Variants in KIAA1549 observed in about 807,000 individuals in gnomAD.
KIAA1549 encodes KIAA1549.
KIAA1549 carries 70 observed loss-of-function variants against 156.4 expected under a neutral mutation model. That is an observed-to-expected ratio of 0.45 (90% CI 0.37 to 0.55). The LOEUF (loss-of-function observed/expected upper bound fraction) is 0.55. KIAA1549 is among the 20% of genes least tolerant of loss of function. KIAA1549 has a pLI of 0.00. For missense variants in KIAA1549, 2,428 were observed against 2,540.9 expected, an observed-to-expected ratio of 0.96 and a Z score of 0.96; for synonymous variants, 1,103 against 1,066.4, an observed-to-expected ratio of 1.03 and a Z score of -0.67.
chr7:138,887,807 C>A (rs1811440414), intron 10 of KIAA1549, among the ~76,000 whole-genome samples: 1 of 152,174 alleles, frequency 6.6e-6, no homozygotes, highest in African/African-American at 2.4e-5. Flanking sequence ...TGAAATAGGA[C>A]AATTCGTTCC....
At chr7:138,938,788 C>T (rs1305639105) in intron 1 of KIAA1549, among the ~76,000 whole-genome samples, 4 of 152,240 alleles carry the variant, frequency 2.6e-5, no homozygotes, top group African/African-American at 7.2e-5. Flanking sequence ...TGGCTCACGC[C>T]TATAATCCCA....
chr7:138,860,675 C>T (rs966858535), intron 16 of KIAA1549, among the ~76,000 whole-genome samples: 10 of 152,204 alleles, frequency 6.6e-5, no homozygotes, highest in African/African-American at 1.7e-4. Context: ...TCACTGTCCA[C>T]GTGGGGACTG....
intron 6 of KIAA1549, 130 bp from the exon 7 acceptor site, chr7:138,905,211 G>A (rs1811972961): frequency 1.5e-5 from 10 of 677,130 alleles, no homozygotes; most frequent in East Asian, 1.1e-4. Context: ...TCAGATTAGC[G>A]TGAGGACGTG....
At chr7:138,857,659 A>C (rs917631884) in intron 16 of KIAA1549, among the ~76,000 whole-genome samples, 1 of 152,180 alleles carries the variant, frequency 6.6e-6, no homozygotes, top group African/African-American at 2.4e-5. Flanking sequence ...TGTATTTTGA[A>C]GCTCTAATAC....
intron 1 of KIAA1549, among the ~76,000 whole-genome samples, chr7:138,962,092 G>A (rs568074955): frequency 6.6e-6 from 1 of 152,002 alleles, no homozygotes; most frequent in East Asian, 1.9e-4. Context: ...TGTGACCTGA[G>A]GTGAGTTACT....
chr7:138,958,638 C>G (rs1813743034), intron 1 of KIAA1549, among the ~76,000 whole-genome samples: 1 of 152,130 alleles, frequency 6.6e-6, no homozygotes, highest in Non-Finnish European at 1.5e-5. Context: ...TCTTTCTCTC[C>G]CCCTCGTTTA....
At chr7:138,979,885 T>C (rs997017728) in intron 1 of KIAA1549, among the ~76,000 whole-genome samples, 2 of 152,262 alleles carry the variant, frequency 1.3e-5, no homozygotes, top group African/African-American at 4.8e-5. Flanking sequence ...AAGTGATGAC[T>C]GTGACCTTGA....
rs1313311920 is a variant in KIAA1549 at position 138,832,048 on chromosome 7, T to C, written c.*5858A>G. 4.3e-6 allele frequency: 1 copy of C among 231,438 alleles called. No individual in the cohort carries two copies. The highest frequency in any genetic ancestry group is 8.5e-6 in the Non-Finnish European group (1 of 117,182). 14.3% of individuals were successfully genotyped at this position (231,438 alleles called of 1,614,324 possible). ...ATTCCCAACTTGTACACTTAGGGAGTCAAGTTATGAATACTTGAAATCTGG... is the reference window on the plus strand; with the variant it reads ...ATTCCCAACTTGTACACTTAGGGAGCCAAGTTATGAATACTTGAAATCTGG... On this transcript the variant is annotated 3_prime_UTR_variant, in exon 20 of 20. Coordinates refer to ENST00000422774, the MANE Select transcript of KIAA1549 (RefSeq NM_001164665.2).
At chr7:138,871,673 G>C (rs1042332535) in intron 12 of KIAA1549, among the ~76,000 whole-genome samples, 2 of 152,204 alleles carry the variant, frequency 1.3e-5, no homozygotes, top group African/African-American at 4.8e-5. Context: ...AAAGAATATA[G>C]GACAGAAGGA....
At chr7:138,955,994 G>A (rs1367576396) in intron 1 of KIAA1549, among the ~76,000 whole-genome samples, 2 of 152,096 alleles carry the variant, frequency 1.3e-5, no homozygotes, top group Non-Finnish European at 2.9e-5. Flanking sequence ...CCTGAGTTGA[G>A]GCAACTCTCC....
intron 1 of KIAA1549, among the ~76,000 whole-genome samples, chr7:138,925,829 C>CAAAAAAA (rs59066216): frequency 3.4e-4 from 15 of 44,598 alleles, no homozygotes; most frequent in Middle Eastern, 0.028. Context: ...GATCCTGTCT[C>CAAAAAAA]AAAAAAAAAA....
intron 1 of KIAA1549, among the ~76,000 whole-genome samples, chr7:138,925,586 G>A (rs1018851685): frequency 6.6e-6 from 1 of 152,080 alleles, no homozygotes; most frequent in African/African-American, 2.4e-5. Flanking sequence ...CTGGTAGGCC[G>A]AGGCAGGAGG....
At chr7:138,946,652 G>A (rs1813346318) in intron 1 of KIAA1549, among the ~76,000 whole-genome samples, 2 of 151,974 alleles carry the variant, frequency 1.3e-5, no homozygotes, top group African/African-American at 2.4e-5. Flanking sequence ...GGTGGTGTGC[G>A]CCTGTAGTCT....
At chr7:138,903,869 GCACA>G (rs1811932347) in intron 7 of KIAA1549, 133 bp from the exon 8 acceptor site, 1 of 647,854 alleles carries the variant, frequency 1.5e-6, no homozygotes, top group African/African-American at 2.4e-5. Flanking sequence ...GCGCGCGCGC[GCACA>G]TATGTATTTG....
intron 13 of KIAA1549, 105 bp from the exon 14 acceptor site, chr7:138,869,866 T>C (rs1370603449): frequency 2.4e-6 from 2 of 846,486 alleles, no homozygotes; most frequent in Admixed American, 2.7e-5. Flanking sequence ...ATTTATTTAT[T>C]TGAGACAGAG....
At chr7:138,912,272 T>C (rs571475374) in intron 3 of KIAA1549, 100 bp downstream of exon 3, 13 of 824,816 alleles carry the variant, frequency 1.6e-5, no homozygotes, top group South Asian at 2.8e-5. Context: ...AGAGATGAAA[T>C]AGAATGATTC....
At chr7:138,939,841 G>A (rs1258277849) in intron 1 of KIAA1549, among the ~76,000 whole-genome samples, 1 of 152,066 alleles carries the variant, frequency 6.6e-6, no homozygotes, top group Non-Finnish European at 1.5e-5. Context: ...GGTTTTTTAA[G>A]CCTGCATTAA....
chr7:138,928,778 A>G (rs1196310217), intron 1 of KIAA1549, among the ~76,000 whole-genome samples: 1 of 152,242 alleles, frequency 6.6e-6, no homozygotes, highest in Non-Finnish European at 1.5e-5. Flanking sequence ...AACAATGTAC[A>G]TCTCCTAATG....
chr7:138,898,908 G>C, intron 9 of KIAA1549, 47 bp downstream of exon 9: 1 of 1,570,822 alleles, frequency 6.4e-7, no homozygotes, highest in Non-Finnish European at 8.8e-7. Flanking sequence ...GCCTGGCTTT[G>C]GTGCCCAGCA....
Sources: allele counts gnomAD v4.1 joint callset (sites outside exome capture counted in the v4.1 genomes callset), GRCh38; gene constraint gnomAD v4.1.1; transcripts MANE v1.5; gene names NCBI Gene and HGNC (gene_info 2026-07-23, HGNC 2026-07-21).